The following BLTP3A variants were observed in gnomAD, a reference collection of about 807,000 sequenced individuals.
BLTP3A encodes bridge-like lipid transfer protein family member 3A.
chr6:34,873,687 A>T, the BLTP3A span: 4 of 152,146 alleles, frequency 2.6e-5, no homozygotes, highest in Non-Finnish European at 4.4e-5. Flanking sequence ...ACTTACCTTT[A>T]CTTGGCAAGA....
chr6:34,807,299 G>A, the BLTP3A span, among the ~76,000 whole-genome samples: 1 of 151,838 alleles, frequency 6.6e-6, no homozygotes, highest in Non-Finnish European at 1.5e-5. Context: ...CACCGTGGGA[G>A]CTGAATGGTC....
the BLTP3A span, chr6:34,834,608 C>T: frequency 1.4e-6 from 2 of 1,438,210 alleles, no homozygotes; most frequent in African/African-American, 2.8e-5. Context: ...TTGGTGGGAT[C>T]CCAACTGAGA....
the BLTP3A span, among the ~76,000 whole-genome samples, chr6:34,808,298 A>G: frequency 7.6e-6 from 1 of 131,750 alleles, no homozygotes; most frequent in African/African-American, 3.0e-5. Context: ...GTGAGTCGAG[A>G]TCGCTCCGTT....
chr6:34,821,843 TTC>T, the BLTP3A span: 1 of 1,614,120 alleles, frequency 6.2e-7, no homozygotes, highest in Non-Finnish European at 8.5e-7. Context: ...AATGCTGCTG[TTC>T]TCTTTGGCCA....
chr6:34,798,713 A>C, the BLTP3A span, among the ~76,000 whole-genome samples: 1 of 150,924 alleles, frequency 6.6e-6, no homozygotes. Flanking sequence ...CATATATCAG[A>C]ACCTTGAAAG....
chr6:34,823,299 C>T, the BLTP3A span: 1 of 1,614,126 alleles, frequency 6.2e-7, no homozygotes, highest in Non-Finnish European at 8.5e-7. Flanking sequence ...ATGTGAGGAT[C>T]CTCGGCCCCC....
the BLTP3A span, chr6:34,871,931 G>A: frequency 2.5e-6 from 4 of 1,613,304 alleles, no homozygotes; most frequent in East Asian, 4.5e-5. Flanking sequence ...AGCAGGTGAG[G>A]ACCTAACAGA....
chr6:34,840,455 A>G, the BLTP3A span, among the ~76,000 whole-genome samples: 2 of 150,500 alleles, frequency 1.3e-5, no homozygotes, highest in African/African-American at 4.9e-5. Context: ...AATCCCAGCT[A>G]CATGGGAGGC....
At chr6:34,873,484 A>T in the BLTP3A span, 1 of 152,202 alleles carries the variant, frequency 6.6e-6, no homozygotes, top group Non-Finnish European at 1.5e-5. Context: ...TGTGGCTTTT[A>T]AAACTCATGT....
At chr6:34,832,561 A>C in the BLTP3A span, among the ~76,000 whole-genome samples, 1 of 151,780 alleles carries the variant, frequency 6.6e-6, no homozygotes, top group East Asian at 1.9e-4. Flanking sequence ...TTAGCCTCTC[A>C]AGTAGCTGGG....
At chr6:34,858,647 C>G in the BLTP3A span, 19 of 1,614,210 alleles carry the variant, frequency 1.2e-5, no homozygotes, top group Middle Eastern at 1.6e-4. Flanking sequence ...CAGTCTGAGG[C>G]TCTTGCCCCT....
chr6:34,866,277 G>A, the BLTP3A span, among the ~76,000 whole-genome samples: 5 of 151,900 alleles, frequency 3.3e-5, no homozygotes, highest in East Asian at 1.9e-4. Flanking sequence ...GGTGGCGTGC[G>A]CCTGTAATCC....
the BLTP3A span, among the ~76,000 whole-genome samples, chr6:34,860,660 A>G: frequency 6.6e-6 from 1 of 152,352 alleles, no homozygotes; most frequent in Admixed American, 6.5e-5. Context: ...CTATAAGGCA[A>G]GTATTAATAT....
At chr6:34,857,868 G>C in the BLTP3A span, 1 of 1,614,084 alleles carries the variant, frequency 6.2e-7, no homozygotes, top group Non-Finnish European at 8.5e-7. Context: ...GAAGATTCAA[G>C]TCAGAAAGAT....
chr6:34,795,107 C>T, the BLTP3A span, among the ~76,000 whole-genome samples: 7 of 150,672 alleles, frequency 4.6e-5, no homozygotes, highest in East Asian at 2.0e-4. Flanking sequence ...TTTTTAGAGA[C>T]GGAATCTTGC....
the BLTP3A span, among the ~76,000 whole-genome samples, chr6:34,862,739 CAGG>C: frequency 6.6e-6 from 1 of 150,990 alleles, no homozygotes; most frequent in Non-Finnish European, 1.5e-5. Context: ...GAGGCTGAGG[CAGG>C]AGAATTGCTT....
chr6:34,835,307 A>T, the BLTP3A span: 1 of 1,614,042 alleles, frequency 6.2e-7, no homozygotes, highest in Non-Finnish European at 8.5e-7. Flanking sequence ...AAAGATTGCA[A>T]TGTGATATCC....
chr6:34,844,487 C>G, the BLTP3A span, among the ~76,000 whole-genome samples: 1 of 152,134 alleles, frequency 6.6e-6, no homozygotes, highest in African/African-American at 2.4e-5. Flanking sequence ...GATGGCTAGG[C>G]TGGTCTTGAA....
At chr6:34,797,407 C>G in the BLTP3A span, among the ~76,000 whole-genome samples, 1 of 152,172 alleles carries the variant, frequency 6.6e-6, no homozygotes, top group Admixed American at 6.5e-5. Flanking sequence ...TTCATGATGA[C>G]TGCCTCCACT....
Sources: allele counts gnomAD v4.1 joint callset (sites outside exome capture counted in the v4.1 genomes callset), GRCh38; gene constraint gnomAD v4.1.1; transcripts MANE v1.5; gene names NCBI Gene and HGNC (gene_info 2026-07-23, HGNC 2026-07-21).